Variants in RGL1 observed in about 807,000 individuals in gnomAD.
RGL1 encodes ral guanine nucleotide dissociation stimulator like 1.
A neutral mutation model predicts 95.2 loss-of-function variants in RGL1; 24 were observed. The ratio of observed to expected loss-of-function variants is 0.25; its 90% CI spans 0.18 to 0.35. The LOEUF is 0.35. Among genes scored for constraint, RGL1 ranks in the 10% least tolerant of loss-of-function variants. The pLI, the probability that RGL1 is intolerant of heterozygous loss-of-function variation, is 1.00. For synonymous variants in RGL1, 329 were observed against 344.9 expected, an observed-to-expected ratio of 0.95 and a Z score of 0.51; for missense variants, 715 against 936.3, an observed-to-expected ratio of 0.76 and a Z score of 3.08.
intron 1 of RGL1, among the ~76,000 whole-genome samples, chr1:183,660,085 A>G (rs2102021702): frequency 6.6e-6 from 1 of 152,364 alleles, no homozygotes; most frequent in Non-Finnish European, 1.5e-5. Context: ...AACACCCGGT[A>G]CTAGCCACTG....
At chr1:183,743,173 T>C (rs1255153058) in intron 2 of RGL1, among the ~76,000 whole-genome samples, 1 of 152,030 alleles carries the variant, frequency 6.6e-6, no homozygotes, top group Non-Finnish European at 1.5e-5. Flanking sequence ...ACACCACACC[T>C]GGATAATTTT....
intron 1 of RGL1, among the ~76,000 whole-genome samples, chr1:183,682,037 G>T (rs1215059573): frequency 6.6e-6 from 1 of 152,078 alleles, no homozygotes; most frequent in East Asian, 1.9e-4. Flanking sequence ...TTTCTATTGT[G>T]TCTATTTGAT....
intron 1 of RGL1, among the ~76,000 whole-genome samples, chr1:183,717,665 G>A (rs1028206750): frequency 6.6e-6 from 1 of 152,180 alleles, no homozygotes; most frequent in African/African-American, 2.4e-5. Context: ...GAAGCTAAAG[G>A]AGTGACTGTG....
intron 2 of RGL1, among the ~76,000 whole-genome samples, chr1:183,767,997 AT>A (rs1489460565): frequency 6.6e-6 from 1 of 152,168 alleles, no homozygotes; most frequent in African/African-American, 2.4e-5. Context: ...TCTTTAAAAT[AT>A]TTCTTGTTTT....
chr1:183,878,338 A>G (rs1367708076), intron 4 of RGL1, among the ~76,000 whole-genome samples: 1 of 152,008 alleles, frequency 6.6e-6, no homozygotes, highest in African/African-American at 2.4e-5. Context: ...CTGGGACTAC[A>G]GGCGTGTACC....
chr1:183,891,987 T>C, intron 8 of RGL1, 90 bp from the exon 9 acceptor site: 1 of 924,986 alleles, frequency 1.1e-6, no homozygotes, highest in South Asian at 1.5e-5. Flanking sequence ...CAGTCCCTCC[T>C]TAGACATGAG....
At chr1:183,842,696 C>G (rs997964706) in intron 2 of RGL1, among the ~76,000 whole-genome samples, 1 of 152,170 alleles carries the variant, frequency 6.6e-6, no homozygotes, top group Non-Finnish European at 1.5e-5. Flanking sequence ...TGAGCTGTTT[C>G]CTGTTAGCGT....
intron 2 of RGL1, among the ~76,000 whole-genome samples, chr1:183,750,951 C>T (rs1371650308): frequency 6.6e-6 from 1 of 152,204 alleles, no homozygotes; most frequent in Non-Finnish European, 1.5e-5. Flanking sequence ...CCCAGAGGGG[C>T]ACCTGCCAGG....
chr1:183,875,811 G>A (rs1231661677), intron 4 of RGL1, among the ~76,000 whole-genome samples: 2 of 142,280 alleles, frequency 1.4e-5, no homozygotes, highest in Admixed American at 7.5e-5. Flanking sequence ...CCTGGGAGGC[G>A]AAGATTGCAG....
chr1:183,881,240 T>G (rs1399100090), intron 5 of RGL1, among the ~76,000 whole-genome samples: 2 of 152,154 alleles, frequency 1.3e-5, no homozygotes, highest in Admixed American at 6.5e-5. Flanking sequence ...CGTCTAGCAG[T>G]CAAGGAATGA....
intron 1 of RGL1, among the ~76,000 whole-genome samples, chr1:183,695,501 C>T (rs895329314): frequency 9.2e-5 from 14 of 152,156 alleles, no homozygotes; most frequent in African/African-American, 3.4e-4. Context: ...ATTATTTGAA[C>T]AGATTAGTGG....
chr1:183,833,139 G>A (rs1663377347), intron 2 of RGL1, among the ~76,000 whole-genome samples: 1 of 152,144 alleles, frequency 6.6e-6, no homozygotes, highest in African/African-American at 2.4e-5. Context: ...TTAATATATA[G>A]TTCTTTAATT....
chr1:183,915,701 T>C (rs1013843564), intron 15 of RGL1, among the ~76,000 whole-genome samples: 4 of 152,228 alleles, frequency 2.6e-5, no homozygotes, highest in Non-Finnish European at 4.4e-5. Context: ...AATATGAAAG[T>C]TCATGATAAG....
At position 183,883,869 on chromosome 1, in the gene RGL1, T is replaced by C. The variant is rs143787133; in HGVS notation, c.694T>C (p.Ser232Pro). The change falls in exon 6 of 18, where the codon TCA becomes CCA. Residue 232 changes from serine to proline, a missense_variant. Ser to Pro is a moderately conservative substitution (Grantham distance 74). Transcript: ENST00000360851. ...GGESAEFTCF[S>P]EDLVAEQLTY... is the part of the protein sequence containing the mutation. Reference sequence around the variant, plus strand: ...AGAGTCAGCAGAATTCACGTGCTTCTCAGAAGATCTCGTGGCAGAGCAGCT... The same window carrying C: ...AGAGTCAGCAGAATTCACGTGCTTCCCAGAAGATCTCGTGGCAGAGCAGCT... The C allele has an allele frequency of 2.6e-4, 425 of 1,613,996 alleles. No individual in the cohort carries two copies. The highest frequency in any genetic ancestry group is 2.6e-4 in the Non-Finnish European group (306 of 1,179,946).
At chr1:183,882,309 A>T (rs904539366) in intron 5 of RGL1, among the ~76,000 whole-genome samples, 2 of 152,238 alleles carry the variant, frequency 1.3e-5, no homozygotes, top group African/African-American at 4.8e-5. Flanking sequence ...ATGAATGGAA[A>T]GATCAAGCCT....
intron 2 of RGL1, among the ~76,000 whole-genome samples, chr1:183,775,694 G>A (rs1659555581): frequency 6.6e-6 from 1 of 152,130 alleles, no homozygotes; most frequent in Non-Finnish European, 1.5e-5. Flanking sequence ...TATCCTTATG[G>A]GAAGATTGAA....
intron 16 of RGL1, among the ~76,000 whole-genome samples, chr1:183,918,348 C>T (rs1490956259): frequency 6.6e-6 from 1 of 152,076 alleles, no homozygotes; most frequent in Non-Finnish European, 1.5e-5. Flanking sequence ...TAAAGGAGCA[C>T]CCGAGAGGTA....
intron 2 of RGL1, among the ~76,000 whole-genome samples, chr1:183,836,124 G>A (rs1663633216): frequency 6.6e-6 from 1 of 152,164 alleles, no homozygotes; most frequent in Non-Finnish European, 1.5e-5. Context: ...AATCCATAAT[G>A]TGCACTCAGT....
chr1:183,871,610 G>A (rs182271973), intron 4 of RGL1, among the ~76,000 whole-genome samples: 22 of 152,298 alleles, frequency 1.4e-4, no homozygotes, highest in Admixed American at 1.3e-3. Flanking sequence ...AGGCTCCCAA[G>A]TACCAAGTAA....
Sources: allele counts gnomAD v4.1 joint callset (sites outside exome capture counted in the v4.1 genomes callset), GRCh38; gene constraint gnomAD v4.1.1; transcripts MANE v1.5; gene names NCBI Gene and HGNC (gene_info 2026-07-23, HGNC 2026-07-21).